EHD2: variants seen among roughly 807,000 people sequenced by gnomAD.
The protein encoded by EHD2 is EH domain-containing protein 2.
A neutral mutation model predicts 41.0 loss-of-function variants in EHD2; 27 were observed. The ratio of observed to expected loss-of-function variants is 0.66; its 90% confidence interval spans 0.49 to 0.91. The LOEUF (loss-of-function observed/expected upper bound fraction) is 0.91, where lower values mean the gene tolerates loss of function less well. Among genes scored for constraint, EHD2 ranks in the 40% least tolerant of loss-of-function variants. The pLI is 0.00. For synonymous variants in EHD2, 342 were observed against 341.0 expected, an observed-to-expected ratio of 1.00 and a Z score of -0.03; for missense variants, 673 against 773.9, an observed-to-expected ratio of 0.87 and a Z score of 1.55.
chr19:47,720,549 G>A (rs1462563729), intron 3 of EHD2, among the ~76,000 whole-genome samples: 2 of 151,900 alleles, frequency 1.3e-5, no homozygotes, highest in Non-Finnish European at 2.9e-5. Flanking sequence ...AACTGATTCT[G>A]TCCCTATATA....
rs371592171 is a variant in EHD2, at chr19:47,716,644, G to A, written c.32G>A (p.Arg11Gln). 1.9e-5 allele frequency: 30 copies of A among 1,566,796 alleles called. No homozygotes were observed. In the African/African-American group the frequency reaches 2.0e-4, roughly 11 times the overall value. Residue 11 changes from arginine to glutamine, a missense_variant, in exon 2 of 6, where the codon CGG (arginine) becomes CAG (glutamine). Transcript: ENST00000263277. MFSWLKRGGA[R>Q]GQQPEAIRTV... The stretch of plus-strand genomic sequence containing the variant: ...AGCTGGCTGAAGCGGGGCGGGGCAC[G>A]GGGCCAGCAGCCCGAGGCCATCCGC...
At chr19:47,724,694 C>T (rs1427014212) in intron 3 of EHD2, among the ~76,000 whole-genome samples, 5 of 152,096 alleles carry the variant, frequency 3.3e-5, no homozygotes, top group Admixed American at 1.3e-4. Flanking sequence ...GTGTTCTCTG[C>T]GGTATCCCAG....
In EHD2 at chr19:47,713,506, C is replaced by G. The variant is rs1973594972; in HGVS notation, c.-88C>G. 1 of 152,818 alleles carries G rather than the reference C, an allele frequency of 6.5e-6. No homozygotes were observed. Among genetic ancestry groups the G allele is most frequent in the Non-Finnish European group, 1.5e-5 (1 of 68,532 alleles). The allele number at this position is 152,818 out of a possible 1,614,324, so 9.5% of individuals were successfully genotyped here. A position where few individuals can be genotyped will look rare whatever the true frequency, so the allele number is the denominator to read the frequency against. ...GGGACCCCACCCTCTCCCAGCCTGC[C>G]CAGCCCGCTGCAGCCGCCAGCGCGC... On this transcript the variant is annotated 5_prime_UTR_variant, in exon 1 of 6. Coordinates refer to ENST00000263277, the MANE Select transcript of EHD2 (RefSeq NM_014601.4).
At chr19:47,737,315 T>C (rs1391711997) in intron 5 of EHD2, among the ~76,000 whole-genome samples, 5 of 151,786 alleles carry the variant, frequency 3.3e-5, no homozygotes, top group African/African-American at 1.2e-4. Context: ...TTTATTTTCA[T>C]TTATTTATTT....
intron 1 of EHD2, among the ~76,000 whole-genome samples, chr19:47,713,925 C>G (rs1197684950): frequency 6.6e-6 from 1 of 151,994 alleles, no homozygotes; most frequent in Non-Finnish European, 1.5e-5. Context: ...CCAGCTCCAT[C>G]GGCCACCGCT....
chr19:47,720,113 C>G (rs1973679933), intron 3 of EHD2, among the ~76,000 whole-genome samples: 1 of 147,710 alleles, frequency 6.8e-6, no homozygotes, highest in Non-Finnish European at 1.5e-5. Flanking sequence ...GTACATGCCT[C>G]TGTGTGTGTG....
chr19:47,731,494 G>C (rs1315167710), intron 4 of EHD2: 3 of 150,802 alleles, frequency 2.0e-5, no homozygotes, highest in Non-Finnish European at 4.4e-5. Flanking sequence ...ATTTTTAGTA[G>C]AGATGGGTTC....
chr19:47,734,978 G>A (rs1013521683), intron 4 of EHD2, among the ~76,000 whole-genome samples: 8 of 151,854 alleles, frequency 5.3e-5, no homozygotes, highest in South Asian at 4.2e-4. Flanking sequence ...GCTTGAACCC[G>A]GAGGTGGAGG....
intron 3 of EHD2, among the ~76,000 whole-genome samples, chr19:47,720,605 G>A (rs925551963): frequency 2.0e-5 from 3 of 152,040 alleles, no homozygotes; most frequent in Non-Finnish European, 4.4e-5. Context: ...GACATAAAGG[G>A]CAACTTTTGT....
rs149685046 is a variant in EHD2, at chr19:47,715,009, G to C, written c.-56+1471G>C. 6.4e-3 allele frequency among the ~76,000 whole-genome samples: 967 copies of C among 151,484 alleles called. 8 individuals are homozygous for C. The highest frequency in any genetic ancestry group is 0.019 in the African/African-American group (798 of 41,226). On this transcript the variant is annotated intron_variant, in intron 1 of 5. Coordinates refer to ENST00000263277, the MANE Select transcript of EHD2 (RefSeq NM_014601.4). ...GCTGAGATTGTATCACTGCACTCCA[G>C]CTTGGGCTACAGAGTGAGACTCCAT...
intron 3 of EHD2, among the ~76,000 whole-genome samples, chr19:47,723,825 A>G (rs1481948176): frequency 6.6e-6 from 1 of 151,884 alleles, no homozygotes; most frequent in African/African-American, 2.4e-5. Context: ...CTACAGATGC[A>G]TGCCAACATG....
chr19:47,738,350 T>C (rs1599903854), intron 5 of EHD2, among the ~76,000 whole-genome samples: 2 of 151,758 alleles, frequency 1.3e-5, no homozygotes, highest in Admixed American at 1.3e-4. Context: ...TTGCCCAGGT[T>C]GGAATGCAGT....
At chr19:47,728,243 G>C (rs539442209) in intron 4 of EHD2, among the ~76,000 whole-genome samples, 1 of 151,280 alleles carries the variant, frequency 6.6e-6, no homozygotes, top group Non-Finnish European at 1.5e-5. Context: ...CCTTCCCAGC[G>C]TCCCCTGCAC....
chr19:47,741,728 T>C lies in EHD2; in HGVS notation c.*296T>C, dbSNP rs1445878350. On this transcript the variant is annotated 3_prime_UTR_variant, in exon 6 of 6. Transcript: ENST00000263277. This position sits in a 1 kb window ranked among gnomAD's most constrained non-coding sequence, Gnocchi z 4.5. ...ATCCGTCATTCATTCAAATATTTAT[T>C]GAGCACCTACTATGTGCCCAGCCCT... 1.7e-6 allele frequency: 1 copy of C among 601,908 alleles called. No homozygotes were observed. Among genetic ancestry groups the C allele is most frequent in the Non-Finnish European group, 3.0e-6 (1 of 329,942 alleles). The allele number at this position is 601,908 out of a possible 1,614,324, so 37.3% of individuals were successfully genotyped here. A position where few individuals can be genotyped will look rare whatever the true frequency, so the allele number is the denominator to read the frequency against.
chr19:47,726,216 C>A lies in EHD2; in HGVS notation c.907C>A (p.Leu303Met), dbSNP rs965645306. ...CAACGACCTGGTGAAGAGGGCCCGGCTGGTGCGAGTGAGTAGTCCTGAGGG... is the reference window on the plus strand; with the variant it reads ...CAACGACCTGGTGAAGAGGGCCCGGATGGTGCGAGTGAGTAGTCCTGAGGG... The part of the protein sequence containing the change: ...KLNDLVKRAR[L>M]VRVHAYIISY... The change falls in exon 4 of 6, where the codon CTG (leucine) becomes ATG (methionine). Residue 303 changes from leucine to methionine, a missense_variant. By Grantham distance (15) the Leu-to-Met change is conservative. Transcript: ENST00000263277. The A allele has an allele frequency of 4.0e-6, 6 of 1,513,348 alleles. No individual in the cohort carries two copies. The African/African-American group carries it at 8.3e-5, about 21-fold the overall frequency. The allele number at this position is 1,513,348 out of a possible 1,614,324, so 93.7% of individuals were successfully genotyped here.
chr19:47,718,375 T>C (rs1342900674), intron 2 of EHD2, 134 bp from the exon 3 acceptor site: 1 of 705,168 alleles, frequency 1.4e-6, no homozygotes, highest in Admixed American at 2.4e-5. Flanking sequence ...TGGTTGCCCT[T>C]TTTCTGTCCG....
intron 4 of EHD2, among the ~76,000 whole-genome samples, chr19:47,733,966 C>T (rs1025292999): frequency 2.0e-5 from 3 of 152,080 alleles, no homozygotes; most frequent in Admixed American, 1.3e-4. Flanking sequence ...TTTTGAACTT[C>T]AATAAGCAAA....
intron 5 of EHD2, 91 bp downstream of exon 5, chr19:47,736,624 G>C (rs1326088379): frequency 7.1e-7 from 1 of 1,408,858 alleles, no homozygotes; most frequent in African/African-American, 1.5e-5. Flanking sequence ...AAGCCAGAGG[G>C]ATGGATGGCA....
In EHD2 at chr19:47,726,426, C is replaced by T. The variant is rs1973753199; in HGVS notation, c.915+202C>T. ...CTGCCTTTGGATTTCTGTGTCAACT[C>T]CGTGTCACCCTGGCTTCTCTGTCCT... is the stretch of plus-strand genomic sequence containing the variant. On this transcript the variant is annotated intron_variant, in intron 4 of 5. Transcript: ENST00000263277. The T allele has an allele frequency of 1.0e-5, 5 of 490,584 alleles. No homozygotes were observed. In the East Asian group the frequency reaches 1.7e-4, roughly 16 times the overall value. 30.4% of individuals were successfully genotyped at this position (490,584 alleles called of 1,614,324 possible).
Sources: gnomAD v4.1 joint callset for allele counts (sites outside exome capture counted in the v4.1 genomes callset) on GRCh38, gnomAD v4.1.1 for gene constraint, Gnocchi (gnomAD v3.1) non-coding constraint, MANE v1.5 for transcripts, NCBI Gene and HGNC (gene_info 2026-07-23, HGNC 2026-07-21) for gene names.